Variants in SSBP2 observed in about 807,000 individuals in gnomAD.
The protein encoded by SSBP2 is single stranded DNA binding protein 2, also known as single-stranded DNA-binding protein 2.
In SSBP2, 17 loss-of-function variants were observed where a neutral mutation model predicts 61.8. The observed-to-expected ratio is 0.28, with a 90% confidence interval of 0.19 to 0.41. The LOEUF (loss-of-function observed/expected upper bound fraction) is 0.41, where lower values mean the gene tolerates loss of function less well. SSBP2 is among the 10% of genes least tolerant of loss of function. The probability of loss-of-function intolerance (pLI) is 1.00; values close to 1 mark genes in which losing one functional copy is unlikely to be tolerated. For synonymous variants in SSBP2, 139 were observed against 141.3 expected, an observed-to-expected ratio of 0.98 and a Z score of 0.12; for missense variants, 310 against 458.7, an observed-to-expected ratio of 0.68 and a Z score of 2.96.
At chr5:81,530,458 A>G (rs1770301273) in intron 4 of SSBP2, among the ~76,000 whole-genome samples, 1 of 151,828 alleles carries the variant, frequency 6.6e-6, no homozygotes, top group Non-Finnish European at 1.5e-5. Flanking sequence ...CACTGTCAAA[A>G]TCAAGTTTTT....
At chr5:81,478,163 C>CT (rs547884287) in intron 6 of SSBP2, among the ~76,000 whole-genome samples, 457 of 151,758 alleles carry the variant, frequency 3.0e-3, no homozygotes, top group Non-Finnish European at 4.2e-3. Flanking sequence ...AAAAAATTAA[C>CT]TTTTTTTTAT....
chr5:81,497,277 A>G (rs190130174), intron 5 of SSBP2, among the ~76,000 whole-genome samples: 103 of 152,294 alleles, frequency 6.8e-4, no homozygotes, highest in South Asian at 5.4e-3. Context: ...CGTCATTATA[A>G]CAAAGATGTT....
intron 1 of SSBP2, among the ~76,000 whole-genome samples, chr5:81,718,884 G>A (rs894172768): frequency 9.2e-5 from 14 of 152,066 alleles, no homozygotes; most frequent in Admixed American, 5.9e-4. Flanking sequence ...TTTGGACCAC[G>A]GAAATTGTAA....
At chr5:81,497,888 T>G (rs1319950521) in intron 5 of SSBP2, among the ~76,000 whole-genome samples, 1 of 152,094 alleles carries the variant, frequency 6.6e-6, no homozygotes, top group Non-Finnish European at 1.5e-5. Flanking sequence ...TCAGGTTAAT[T>G]TATATACAAT....
intron 1 of SSBP2, among the ~76,000 whole-genome samples, chr5:81,709,183 G>A (rs1005909692): frequency 3.3e-5 from 5 of 151,924 alleles, no homozygotes; most frequent in East Asian, 1.9e-4. Context: ...TAATTGAGTC[G>A]ACACTATTAA....
At position 81,513,732 on chromosome 5, in the gene SSBP2, G is replaced by C; in HGVS notation, c.283-15C>G. 1.3e-6 allele frequency: 2 copies of C among 1,582,776 alleles called. No homozygotes were observed. The highest frequency in any genetic ancestry group is 2.2e-5 in the South Asian group (2 of 89,876). On this transcript the variant is annotated splice_polypyrimidine_tract_variant and intron_variant, in intron 4 of 16. Transcript: ENST00000320672. The stretch of plus-strand genomic sequence containing the variant: ...GCTGCAGCACTCTGCAAAGAATAAA[G>C]GAGAAACAAACCTATATCATTACAG...
rs115863141 is a variant in SSBP2, at chr5:81,549,694, G to A, written c.283-35977C>T. ...CAATTAGAGGGCTCTGATTATGACC[G>A]TAATTTTACTGATCATTTTTAAGCA... On this transcript the variant is annotated intron_variant, in intron 4 of 16. Coordinates refer to ENST00000320672, the MANE Select transcript of SSBP2 (RefSeq NM_012446.5). 1.0e-2 allele frequency among the ~76,000 whole-genome samples: 1,515 copies of A among 152,186 alleles called. 20 individuals carry two copies. The highest frequency in any genetic ancestry group is 0.034 in the African/African-American group (1,416 of 41,522).
intron 1 of SSBP2, among the ~76,000 whole-genome samples, chr5:81,720,403 G>A (rs1447402389): frequency 6.6e-6 from 1 of 152,136 alleles, no homozygotes; most frequent in Non-Finnish European, 1.5e-5. Flanking sequence ...CCAAAATAAT[G>A]ACATGGTCTT....
chr5:81,509,327 A>G (rs894686391), intron 5 of SSBP2, among the ~76,000 whole-genome samples: 3 of 152,184 alleles, frequency 2.0e-5, no homozygotes, highest in African/African-American at 7.2e-5. Context: ...ACTCCAACAC[A>G]GGTTCTCCAG....
intron 4 of SSBP2, among the ~76,000 whole-genome samples, chr5:81,527,744 G>C (rs2154101188): frequency 6.6e-6 from 1 of 151,798 alleles, no homozygotes; most frequent in East Asian, 1.9e-4. Flanking sequence ...CAGAGGGTGG[G>C]GGACAAGGGG....
intron 12 of SSBP2, among the ~76,000 whole-genome samples, 177 bp downstream of exon 12, chr5:81,446,691 T>G (rs908480475): frequency 2.0e-5 from 3 of 152,352 alleles, no homozygotes; most frequent in African/African-American, 7.2e-5. Context: ...ATTTTCTAAA[T>G]GCTTAACTGG....
chr5:81,575,075 C>G (rs1227083449), intron 4 of SSBP2, among the ~76,000 whole-genome samples: 1 of 152,178 alleles, frequency 6.6e-6, no homozygotes, highest in African/African-American at 2.4e-5. Flanking sequence ...CAAGACCATC[C>G]TGGCCAACAT....
At chr5:81,717,637 A>G (rs886325434) in intron 1 of SSBP2, among the ~76,000 whole-genome samples, 2 of 152,190 alleles carry the variant, frequency 1.3e-5, no homozygotes, top group African/African-American at 4.8e-5. Flanking sequence ...CAAGCATAAT[A>G]TATGAAAAAC....
intron 1 of SSBP2, among the ~76,000 whole-genome samples, chr5:81,664,576 G>A (rs1046569883): frequency 6.6e-6 from 1 of 152,010 alleles, no homozygotes; most frequent in Admixed American, 6.5e-5. Context: ...AAGGAAAAAA[G>A]TTTTAAGATC....
At chr5:81,459,895 A>G (rs1764422142) in intron 10 of SSBP2, among the ~76,000 whole-genome samples, 1 of 152,222 alleles carries the variant, frequency 6.6e-6, no homozygotes, top group Non-Finnish European at 1.5e-5. Context: ...TTTTAGGAGA[A>G]AGACTTGTTG....
chr5:81,736,180 ACACACACACT>A (rs756824661), intron 1 of SSBP2, among the ~76,000 whole-genome samples: 22,791 of 121,622 alleles, frequency 0.19, 2,004 homozygotes, highest in Non-Finnish European at 0.24. Flanking sequence ...ACACACACAC[ACACACACACT>A]CTACGGCACT....
intron 6 of SSBP2, among the ~76,000 whole-genome samples, chr5:81,478,764 C>A (rs1206744961): frequency 1.3e-5 from 2 of 152,184 alleles, no homozygotes; most frequent in Admixed American, 1.3e-4. Context: ...AACCACCATG[C>A]CTGGCCAGAT....
intron 4 of SSBP2, among the ~76,000 whole-genome samples, chr5:81,563,661 AAG>A (rs1285053515): frequency 6.6e-6 from 1 of 152,178 alleles, no homozygotes; most frequent in Non-Finnish European, 1.5e-5. Flanking sequence ...ATAGGGAAAG[AAG>A]AGTCTTCTAT....
chr5:81,437,425 C>G lies in SSBP2; in HGVS notation c.957+5G>C. Reference sequence around the variant, plus strand: ...TAAAAACAACACAGAATACACAGCACTCACCTTGGAAATACTGTCCATATC... The same window carrying G: ...TAAAAACAACACAGAATACACAGCAGTCACCTTGGAAATACTGTCCATATC... On this transcript the variant is annotated splice_donor_5th_base_variant and intron_variant, in intron 15 of 16. Coordinates refer to ENST00000320672, the MANE Select transcript of SSBP2 (RefSeq NM_012446.5). The G allele has an allele frequency of 3.7e-6, 6 of 1,606,824 alleles. No individual in the cohort carries two copies. Among genetic ancestry groups the G allele is most frequent in the Non-Finnish European group, 5.1e-6 (6 of 1,177,846 alleles).
Sources: allele counts gnomAD v4.1 joint callset (sites outside exome capture counted in the v4.1 genomes callset), GRCh38; gene constraint gnomAD v4.1.1; transcripts MANE v1.5; gene names NCBI Gene and HGNC (gene_info 2026-07-23, HGNC 2026-07-21).